Variants in ARMC8 observed in about 807,000 individuals in gnomAD.
The protein encoded by ARMC8 is armadillo repeat containing 8.
In ARMC8, 20 loss-of-function variants were observed where a neutral mutation model predicts 99.3. The ratio of observed to expected loss-of-function variants is 0.20; its 90% CI spans 0.14 to 0.29. The LOEUF (loss-of-function observed/expected upper bound fraction) is 0.29. ARMC8 is among the 10% of genes least tolerant of loss of function. ARMC8 has a pLI of 1.00. For synonymous variants in ARMC8, 263 were observed against 278.3 expected, an observed-to-expected ratio of 0.95 and a Z score of 0.55; for missense variants, 569 against 809.5, an observed-to-expected ratio of 0.70 and a Z score of 3.60.
At chr3:138,271,803 T>C (rs2048826618) in intron 16 of ARMC8, among the ~76,000 whole-genome samples, 1 of 150,748 alleles carries the variant, frequency 6.6e-6, no homozygotes, top group African/African-American at 2.5e-5. Context: ...TCTTTCTTTT[T>C]TTTTTTTTTT....
At chr3:138,237,664 C>T in intron 9 of ARMC8, 92 bp downstream of exon 9, 1 of 1,003,390 alleles carries the variant, frequency 1.0e-6, no homozygotes. Context: ...TTCCAATCCC[C>T]ATTTTATTTT....
At chr3:138,214,984 C>G (rs2044928994) in intron 2 of ARMC8, among the ~76,000 whole-genome samples, 1 of 152,164 alleles carries the variant, frequency 6.6e-6, no homozygotes, top group South Asian at 2.1e-4. Flanking sequence ...TAAACATACA[C>G]AAAGGTGACC....
intron 12 of ARMC8, 47 bp downstream of exon 12, chr3:138,245,230 A>G: frequency 6.2e-7 from 1 of 1,614,208 alleles, no homozygotes; most frequent in Admixed American, 1.7e-5. Context: ...GCCAGCAGGC[A>G]GGGAGTGACG....
intron 14 of ARMC8, among the ~76,000 whole-genome samples, chr3:138,264,523 G>C (rs1232759121): frequency 7.0e-6 from 1 of 142,830 alleles, no homozygotes; most frequent in Admixed American, 7.5e-5. Flanking sequence ...CGGTTCAAGC[G>C]ATTCTTCTGC....
intron 3 of ARMC8, 148 bp downstream of exon 3, chr3:138,222,145 C>A: frequency 1.6e-6 from 1 of 632,822 alleles, no homozygotes; most frequent in Non-Finnish European, 2.7e-6. Flanking sequence ...AGTATTTAAA[C>A]TATCTTTAAG....
intron 18 of ARMC8, among the ~76,000 whole-genome samples, chr3:138,275,020 A>G (rs527559734): frequency 4.0e-4 from 61 of 152,216 alleles, no homozygotes; most frequent in Middle Eastern, 3.4e-3. Context: ...ACTTCCATTA[A>G]GTTTCAGGAG....
chr3:138,265,098 A>G (rs2048151738), intron 14 of ARMC8, among the ~76,000 whole-genome samples: 1 of 151,802 alleles, frequency 6.6e-6, no homozygotes, highest in Non-Finnish European at 1.5e-5. Context: ...GGTCTCGCCA[A>G]GTTGCCCAGG....
chr3:138,249,350 T>A (rs1440121365), intron 12 of ARMC8, among the ~76,000 whole-genome samples: 2 of 151,832 alleles, frequency 1.3e-5, no homozygotes, highest in Non-Finnish European at 2.9e-5. Flanking sequence ...TCCCATTTTT[T>A]CAAGAGGCAG....
intron 2 of ARMC8, among the ~76,000 whole-genome samples, chr3:138,220,589 A>G (rs1383862912): frequency 6.6e-6 from 1 of 152,226 alleles, no homozygotes; most frequent in African/African-American, 2.4e-5. Context: ...AAAAAAGGCA[A>G]TTGAAGACAA....
chr3:138,249,423 T>C (rs1335775812), intron 12 of ARMC8, among the ~76,000 whole-genome samples: 1 of 151,864 alleles, frequency 6.6e-6, no homozygotes, highest in African/African-American at 2.4e-5. Flanking sequence ...TGTTTTATGG[T>C]ATTGTACTTG....
chr3:138,246,473 A>G, intron 12 of ARMC8: 14 of 985,284 alleles, frequency 1.4e-5, no homozygotes, highest in Non-Finnish European at 1.6e-5. Flanking sequence ...GCAAGGGGAG[A>G]GGCTTTTATA....
chr3:138,275,110 G>T (rs1385519743), intron 18 of ARMC8, among the ~76,000 whole-genome samples: 1 of 151,938 alleles, frequency 6.6e-6, no homozygotes, highest in Non-Finnish European at 1.5e-5. Flanking sequence ...TTATTTTCTG[G>T]GATTTATCAT....
chr3:138,258,996 G>A (rs1168610313), intron 12 of ARMC8, among the ~76,000 whole-genome samples: 1 of 152,160 alleles, frequency 6.6e-6, no homozygotes, highest in Non-Finnish European at 1.5e-5. Context: ...CTGAGCTATG[G>A]CCGAGGAGTC....
intron 19 of ARMC8, among the ~76,000 whole-genome samples, chr3:138,288,292 C>T (rs2050614615): frequency 1.3e-5 from 2 of 152,148 alleles, no homozygotes; most frequent in African/African-American, 4.8e-5. Context: ...TAACCAGTAG[C>T]TTAAGAGATA....
Position 138,273,136 on chromosome 3 carries a change from C to T in ARMC8, c.1629+20C>T. 6.3e-7 allele frequency: 1 copy of T among 1,598,840 alleles called. No individual in the cohort carries two copies. ...CGTCCTGTAAGTAAAATCACCCAGG[C>T]TTCCAAATTAGCTAGCCCTGCATAT... On this transcript the variant is annotated intron_variant, in intron 17 of 21. Coordinates refer to ENST00000469044, the MANE Select transcript of ARMC8 (RefSeq NM_001363941.2).
intron 5 of ARMC8, among the ~76,000 whole-genome samples, chr3:138,225,401 G>A (rs1449932937): frequency 2.0e-5 from 3 of 152,176 alleles, no homozygotes; most frequent in Non-Finnish European, 2.9e-5. Flanking sequence ...GTGAGCCACT[G>A]CGCCCGGCCT....
chr3:138,288,218 C>T (rs1364126709), intron 19 of ARMC8, among the ~76,000 whole-genome samples: 2 of 152,122 alleles, frequency 1.3e-5, no homozygotes, highest in African/African-American at 4.8e-5. Context: ...CTAGGTGTTA[C>T]AGAACTTCAT....
chr3:138,195,089 A>G (rs1409389948), intron 1 of ARMC8, among the ~76,000 whole-genome samples: 1 of 152,028 alleles, frequency 6.6e-6, no homozygotes, highest in Non-Finnish European at 1.5e-5. Flanking sequence ...AGCCTGACCA[A>G]CATGGTGAAA....
At chr3:138,217,795 G>T (rs1389720198) in intron 2 of ARMC8, among the ~76,000 whole-genome samples, 1 of 152,194 alleles carries the variant, frequency 6.6e-6, no homozygotes, top group African/African-American at 2.4e-5. Context: ...AGATAATTCA[G>T]TGTGTACAAA....
Sources: gnomAD v4.1 joint callset for allele counts (sites outside exome capture counted in the v4.1 genomes callset) on GRCh38, gnomAD v4.1.1 for gene constraint, MANE v1.5 for transcripts, NCBI Gene and HGNC (gene_info 2026-07-23, HGNC 2026-07-21) for gene names.